The following GFPT2 variants were observed in gnomAD, a reference collection of about 807,000 sequenced individuals.
GFPT2 encodes the protein glutamine--fructose-6-phosphate transaminase 2.
GFPT2 carries 62 observed loss-of-function variants against 85.6 expected under a neutral mutation model. That is an observed-to-expected ratio of 0.72 (90% CI 0.59 to 0.90). GFPT2 has a LOEUF of 0.90. Among genes scored for constraint, GFPT2 ranks in the 40% least tolerant of loss-of-function variants. The probability of loss-of-function intolerance (pLI) is 0.00; values close to 1 mark genes in which losing one functional copy is unlikely to be tolerated. For missense variants in GFPT2, 788 were observed against 893.4 expected, an observed-to-expected ratio of 0.88 and a Z score of 1.50; for synonymous variants, 368 against 344.5, an observed-to-expected ratio of 1.07 and a Z score of -0.75.
intron 13 of GFPT2, among the ~76,000 whole-genome samples, chr5:180,315,015 G>A (rs1364342351): frequency 1.3e-5 from 2 of 152,134 alleles, no homozygotes; most frequent in Non-Finnish European, 2.9e-5. Context: ...GTGGTGGGCC[G>A]GATGGTCGGT....
intron 13 of GFPT2, among the ~76,000 whole-genome samples, chr5:180,315,648 A>G (rs987310646): frequency 2.0e-5 from 3 of 152,206 alleles, no homozygotes; most frequent in Non-Finnish European, 4.4e-5. Context: ...TATTCATTAT[A>G]TGAAAATTCT....
chr5:180,325,085 C>T (rs1176707534), intron 7 of GFPT2, among the ~76,000 whole-genome samples, 190 bp from the exon 8 acceptor site: 2 of 152,178 alleles, frequency 1.3e-5, no homozygotes, highest in African/African-American at 4.8e-5. Flanking sequence ...AGGTCCCTGA[C>T]TTGGCATCAC....
chr5:180,328,425 C>T lies in GFPT2; in HGVS notation c.535-87G>A. ...CAGCCCAGGTGCGTCTCCCTGGGCC[C>T]CTCCTGATGGCGGGAGGTCCTGGGG... On this transcript the variant is annotated intron_variant, in intron 6 of 18. Transcript: ENST00000253778. This position sits in a 1 kb window ranked among gnomAD's most constrained non-coding sequence, Gnocchi z 5.4. The T allele has an allele frequency of 9.6e-7, 1 of 1,042,884 alleles. No homozygotes were observed. Among genetic ancestry groups the T allele is most frequent in the South Asian group, 1.3e-5 (1 of 78,720 alleles). 64.6% of individuals were successfully genotyped at this position (1,042,884 alleles called of 1,614,324 possible).
chr5:180,306,585 GGC>G (rs755298240), intron 16 of GFPT2, among the ~76,000 whole-genome samples: 1 of 152,194 alleles, frequency 6.6e-6, no homozygotes, highest in Non-Finnish European at 1.5e-5. Flanking sequence ...TGCTGCAGGG[GGC>G]AAATGGCCTG....
chr5:180,321,944 C>G (rs1157150710), intron 9 of GFPT2, among the ~76,000 whole-genome samples: 1 of 151,992 alleles, frequency 6.6e-6, no homozygotes, highest in South Asian at 2.1e-4. Context: ...CCACCACGCC[C>G]GGCTGATTTT....
chr5:180,335,802 TGGGGAC>T lies in GFPT2; in HGVS notation c.340+20_340+25del, dbSNP rs1561881881. On this transcript the variant is annotated intron_variant, in intron 4 of 18. Transcript: ENST00000253778. ...CACAGCTCAGGGTGAGGTGGAACCA[TGGGGAC>T]GGGGAAGCATGCCACATACCGTTGC... The T allele has an allele frequency of 6.3e-7, 1 of 1,598,050 alleles. No individual in the cohort carries two copies.
At chr5:180,349,890 T>C (rs1236747633) in intron 1 of GFPT2, among the ~76,000 whole-genome samples, 4 of 151,648 alleles carry the variant, frequency 2.6e-5, no homozygotes, top group Non-Finnish European at 5.9e-5. Flanking sequence ...TTTTTTTTTT[T>C]TCTCCCTCAC....
At chr5:180,351,119 T>G (rs1380793445) in intron 1 of GFPT2, among the ~76,000 whole-genome samples, 4 of 152,228 alleles carry the variant, frequency 2.6e-5, no homozygotes, top group Admixed American at 1.3e-4. Context: ...TTTCAAAAAT[T>G]TAAATGAATT....
At chr5:180,313,190 T>C (rs1332957466) in intron 14 of GFPT2, among the ~76,000 whole-genome samples, 1 of 151,716 alleles carries the variant, frequency 6.6e-6, no homozygotes, top group Non-Finnish European at 1.5e-5. Flanking sequence ...GGGAGCCCCG[T>C]GCCAGCCCTA....
chr5:180,338,631 TA>T, intron 1 of GFPT2, 31 bp from the exon 2 acceptor site: 1 of 1,301,250 alleles, frequency 7.7e-7, no homozygotes, highest in Admixed American at 1.7e-5. Flanking sequence ...GGTGCATTCA[TA>T]AAATACTCAG....
intron 1 of GFPT2, among the ~76,000 whole-genome samples, chr5:180,349,404 C>G (rs955765432): frequency 6.6e-6 from 1 of 152,206 alleles, no homozygotes; most frequent in Admixed American, 6.5e-5. Flanking sequence ...ATTAATCACT[C>G]TTTATAAGCT....
chr5:180,350,537 G>A (rs1355449454), intron 1 of GFPT2, among the ~76,000 whole-genome samples: 1 of 152,108 alleles, frequency 6.6e-6, no homozygotes, highest in African/African-American at 2.4e-5. Context: ...CCCCTTCTTT[G>A]AGGGGAGGAC....
chr5:180,320,942 T>C (rs1250809479), intron 9 of GFPT2, among the ~76,000 whole-genome samples: 3 of 152,222 alleles, frequency 2.0e-5, no homozygotes, highest in Admixed American at 6.5e-5. Context: ...CAAGCCACTG[T>C]ACTGGAAAAA....
intron 4 of GFPT2, among the ~76,000 whole-genome samples, chr5:180,335,492 G>C (rs1310938436): frequency 6.6e-6 from 1 of 152,220 alleles, no homozygotes; most frequent in Non-Finnish European, 1.5e-5. Flanking sequence ...GTCACTTGGG[G>C]AGGAACAGTG....
rs916228443 is a variant in GFPT2 at position 180,307,445 on chromosome 5, C to A, written c.1547-142G>T. ...TTTGCTTCCTCGCATTCGTTTCAAA[C>A]GTAGATTACAGGAAATAACTTGGGC... On this transcript the variant is annotated intron_variant, in intron 15 of 18. Transcript: ENST00000253778. 19 of 774,508 alleles carry A rather than the reference C, an allele frequency of 2.5e-5. No homozygotes were observed. In the African/African-American group the frequency reaches 3.2e-4, roughly 13 times the overall value. 48.0% of individuals were successfully genotyped at this position (774,508 alleles called of 1,614,324 possible). A position where few individuals can be genotyped will look rare whatever the true frequency, so the allele number is the denominator to read the frequency against.
At chr5:180,350,565 C>T (rs368364455) in intron 1 of GFPT2, among the ~76,000 whole-genome samples, 1 of 152,098 alleles carries the variant, frequency 6.6e-6, no homozygotes, top group East Asian at 1.9e-4. Context: ...ATGAGATCTT[C>T]GAGTCCCCCA....
intron 4 of GFPT2, among the ~76,000 whole-genome samples, chr5:180,332,169 C>T (rs1192292936): frequency 3.3e-5 from 5 of 152,084 alleles, no homozygotes; most frequent in Admixed American, 1.3e-4. Flanking sequence ...CAGTTCCTGC[C>T]GCACAACCCA....
chr5:180,312,938 G>C (rs543393130), intron 14 of GFPT2, among the ~76,000 whole-genome samples: 1 of 151,798 alleles, frequency 6.6e-6, no homozygotes, highest in East Asian at 1.9e-4. Flanking sequence ...CACCACACCC[G>C]ACTAATTTTT....
At chr5:180,304,108 C>T (rs972771749) in intron 17 of GFPT2, among the ~76,000 whole-genome samples, 12 of 152,234 alleles carry the variant, frequency 7.9e-5, no homozygotes, top group East Asian at 1.9e-4. Context: ...GGGGAGCTCC[C>T]GGGCGACACA....
Sources: allele counts gnomAD v4.1 joint callset (sites outside exome capture counted in the v4.1 genomes callset), GRCh38; gene constraint gnomAD v4.1.1; non-coding constraint Gnocchi (gnomAD v3.1); transcripts MANE v1.5; gene names NCBI Gene and HGNC (gene_info 2026-07-23, HGNC 2026-07-21).